NOTCH2: variants seen among roughly 807,000 people sequenced by gnomAD.
NOTCH2 encodes the protein neurogenic locus notch homolog protein 2.
NOTCH2 carries 29 observed loss-of-function variants against 235.8 expected under a neutral mutation model. The observed-to-expected ratio is 0.12, with a 90% CI of 0.09 to 0.17. NOTCH2 has a LOEUF of 0.17. NOTCH2 is among the 10% of genes least tolerant of loss of function. NOTCH2 has a pLI of 1.00. For missense variants in NOTCH2, 2,285 were observed against 3,150.2 expected (o/e 0.73, Z 6.57); for synonymous variants, 1,086 against 1,141.5 (o/e 0.95, Z 0.98).
At chr1:120,063,572 T>A (rs587739572) in intron 1 of NOTCH2, among the ~76,000 whole-genome samples, 1 of 152,324 alleles carries the variant, frequency 6.6e-6, no homozygotes, top group East Asian at 1.9e-4. Context: ...ACTAACCTTA[T>A]ACCATAGCAG....
rs587624917 is a variant in NOTCH2 at position 119,916,235 on chromosome 1, C to T, written c.6487G>A (p.Asp2163Asn). The T allele has an allele frequency of 1.3e-5, 21 of 1,614,144 alleles. No homozygotes were observed. In the East Asian group the frequency reaches 1.3e-4, roughly 10 times the overall value. Residue 2163 changes from aspartate to asparagine, a missense_variant, in exon 34 of 34, where the codon GAC becomes AAC. Around this residue, in one of 6 missense-constraint regions of NOTCH2, gnomAD observed 504 missense variants for 538.0 expected, o/e 0.94. Coordinates refer to ENST00000256646, the MANE Select transcript of NOTCH2 (RefSeq NM_024408.4). ...GTAATCATTGGAGAGGATGTGGTGT[C>T]GGAAACATACGTGTGAGGAGATTCT... The part of the protein sequence containing the change: ...SLESPHTYVS[D>N]TTSSPMITSP...
intron 3 of NOTCH2, among the ~76,000 whole-genome samples, chr1:120,001,058 G>C (rs1289675481): frequency 1.3e-5 from 2 of 152,080 alleles, no homozygotes; most frequent in Non-Finnish European, 2.9e-5. Context: ...GTTTCTCAGG[G>C]TTTCTGCTTT....
chr1:119,957,446 C>CA (rs1421517850), intron 12 of NOTCH2, among the ~76,000 whole-genome samples: 7 of 152,076 alleles, frequency 4.6e-5, no homozygotes, highest in African/African-American at 9.6e-5. Context: ...AGTATTAAAA[C>CA]AAAAAAATCC....
intron 24 of NOTCH2, 62 bp from the exon 25 acceptor site, chr1:119,925,872 T>C: frequency 6.3e-7 from 1 of 1,592,984 alleles, no homozygotes; most frequent in Non-Finnish European, 8.6e-7. Context: ...ATTGGAAGTT[T>C]GAGGTTTCTA....
At chr1:120,036,928 C>CTTAAAAGCCTCCCTTTGTT (rs1323562384) in intron 1 of NOTCH2, among the ~76,000 whole-genome samples, 3 of 152,204 alleles carry the variant, frequency 2.0e-5, no homozygotes, top group Admixed American at 2.0e-4. Context: ...ATATCACTGG[C>CTTAAAAGCCTCCCTTTGTT]TTAAAAGCCT....
At position 119,932,858 on chromosome 1, in the gene NOTCH2, A is replaced by C. The variant is rs587727817; in HGVS notation, c.3655+2614T>G. Among the ~76,000 whole-genome samples, 3 of 152,286 alleles carry C rather than the reference A, an allele frequency of 2.0e-5. No homozygotes were observed. In the South Asian group the frequency reaches 6.2e-4, roughly 32 times the overall value. On this transcript the variant is annotated intron_variant, in intron 22 of 33. Transcript: ENST00000256646. Reference sequence around the variant, plus strand: ...AAAAATTCTAGAAAGAAACACAAACAACCAAAAGTGGCGATTACATGTTTG... The same window carrying C: ...AAAAATTCTAGAAAGAAACACAAACCACCAAAAGTGGCGATTACATGTTTG...
rs1428659156 is a variant in NOTCH2, at chr1:119,917,592, G to C, written c.6027+73C>G. 10 of 984,136 alleles carry C rather than the reference G, an allele frequency of 1.0e-5. No individual in the cohort carries two copies. In the African/African-American group the frequency reaches 1.4e-4, roughly 14 times the overall value. 61.0% of individuals were successfully genotyped at this position (984,136 alleles called of 1,614,324 possible). On this transcript the variant is annotated intron_variant, in intron 33 of 33. Coordinates refer to ENST00000256646, the MANE Select transcript of NOTCH2 (RefSeq NM_024408.4). ...ATACATATAACAAGAGAAGCTGTAA[G>C]GAGAAACGGGAATGGGCTTATAACT...
At chr1:119,917,920 C>G (rs2101147311) in intron 32 of NOTCH2, among the ~76,000 whole-genome samples, 158 bp from the exon 33 acceptor site, 1 of 152,300 alleles carries the variant, frequency 6.6e-6, no homozygotes, top group South Asian at 2.1e-4. Context: ...TCTTTTTCCT[C>G]TGTTCTAGAA....
intron 1 of NOTCH2, among the ~76,000 whole-genome samples, chr1:120,058,245 T>C (rs1360568645): frequency 1.3e-5 from 2 of 152,204 alleles, no homozygotes; most frequent in Non-Finnish European, 2.9e-5. Flanking sequence ...GGCTCACGCC[T>C]GTAATCCCAG....
intron 31 of NOTCH2, 36 bp from the exon 32 acceptor site, chr1:119,918,589 T>C (rs912450117): frequency 1.9e-6 from 3 of 1,609,990 alleles, no homozygotes; most frequent in African/African-American, 2.7e-5. Context: ...GAGAGTCACC[T>C]GGATGAAGGA....
chr1:119,937,139 G>C (rs1444609166), intron 21 of NOTCH2, 143 bp downstream of exon 21: 1 of 842,538 alleles, frequency 1.2e-6, no homozygotes, highest in Non-Finnish European at 2.0e-6. Flanking sequence ...GAAAGAAACA[G>C]TGGTAAACAT....
intron 13 of NOTCH2, 102 bp from the exon 14 acceptor site, chr1:119,953,790 A>G (rs1650578853): frequency 1.1e-5 from 11 of 987,480 alleles, no homozygotes; most frequent in Non-Finnish European, 1.8e-5. Flanking sequence ...AACTGATCTC[A>G]TTTCTACTTT....
At chr1:120,039,196 T>A (rs1366518721) in intron 1 of NOTCH2, among the ~76,000 whole-genome samples, 1 of 152,306 alleles carries the variant, frequency 6.6e-6, no homozygotes, top group East Asian at 1.9e-4. Flanking sequence ...AGAAGCTGTA[T>A]CATATCTAGA....
rs745861610 is a variant in NOTCH2, at chr1:119,925,504, C to T, written c.4312G>A (p.Val1438Ile). 5.6e-5 allele frequency: 91 copies of T among 1,614,038 alleles called. 1 individual carries two copies. The East Asian group carries it at 7.8e-4, about 14-fold the overall frequency. The change falls in exon 25 of 34, where the codon GTC (valine) becomes ATC (isoleucine). Residue 1438 changes from valine (V) to isoleucine (I), a missense_variant. Transcript: ENST00000256646. Reference protein sequence around the residue: ...QYCADKARDGVCDEACNSHAC... With the variant: ...QYCADKARDGICDEACNSHAC... ...TGGCTGTTGCAGGCCTCATCACAGA[C>T]GCCATCCCGAGCTTTGTCGGCACAA...
Position 119,916,539 on chromosome 1 carries a change from A to G in NOTCH2, c.6183T>C (p.Leu2061=). The G allele has an allele frequency of 3.1e-6, 5 of 1,613,746 alleles. No individual in the cohort carries two copies. Among genetic ancestry groups the G allele is most frequent in the Non-Finnish European group, 4.2e-6 (5 of 1,179,676 alleles). ...TTGGGGTCACATTGTATTCATCCAGAAGGCGCACAATGTCATGGTGCATGC... is the reference window on the plus strand; with the variant it reads ...TTGGGGTCACATTGTATTCATCCAGGAGGCGCACAATGTCATGGTGCATGC... The part of the protein sequence containing the change: ...RDRMHHDIVR[L]LDEYNVTPSP... The change falls in exon 34 of 34, where the codon CTT becomes CTC. Residue 2061 remains leucine (L), a synonymous_variant. Transcript: ENST00000256646.
chr1:119,922,512 T>C, intron 27 of NOTCH2, 66 bp from the exon 28 acceptor site: 1 of 1,594,194 alleles, frequency 6.3e-7, no homozygotes, highest in East Asian at 2.2e-5. Context: ...CAGCATTAGA[T>C]TCATTTAGAG....
intron 1 of NOTCH2, among the ~76,000 whole-genome samples, chr1:120,062,745 TCCC>T (rs1454896067): frequency 2.3e-5 from 3 of 133,004 alleles, no homozygotes; most frequent in Non-Finnish European, 3.1e-5. Flanking sequence ...ACCACAATGC[TCCC>T]CCAATACACC....
At chr1:120,000,229 A>G (rs1388157505) in intron 3 of NOTCH2, among the ~76,000 whole-genome samples, 13 of 151,826 alleles carry the variant, frequency 8.6e-5, no homozygotes, top group Non-Finnish European at 1.0e-4. Context: ...CAAAAATAGC[A>G]TATGTATAAA....
At chr1:120,034,401 G>T (rs1654227964) in intron 1 of NOTCH2, among the ~76,000 whole-genome samples, 1 of 115,786 alleles carries the variant, frequency 8.6e-6, no homozygotes, top group Non-Finnish European at 1.7e-5. Flanking sequence ...TCCATCATTT[G>T]GCAATATAAT....
Sources: gnomAD v4.1 joint callset for allele counts (sites outside exome capture counted in the v4.1 genomes callset) on GRCh38, gnomAD v4.1.1 for gene constraint, gnomAD v4.1.1 regional missense constraint, MANE v1.5 for transcripts, NCBI Gene and HGNC (gene_info 2026-07-23, HGNC 2026-07-21) for gene names.